The following PDE4D variants were observed in gnomAD, a reference collection of about 807,000 sequenced individuals.
PDE4D encodes the protein phosphodiesterase 4D, also known as 3',5'-cyclic-AMP phosphodiesterase 4D.
PDE4D carries 24 observed loss-of-function variants against 87.4 expected under a neutral mutation model. That is an observed-to-expected ratio of 0.27 (90% CI 0.20 to 0.39). The LOEUF (loss-of-function observed/expected upper bound fraction) is 0.39. Among genes scored for constraint, PDE4D ranks in the 10% least tolerant of loss-of-function variants. The pLI is 1.00. For missense variants in PDE4D, 714 were observed against 1,041.0 expected, an observed-to-expected ratio of 0.69 and a Z score of 4.32; for synonymous variants, 384 against 383.2, an observed-to-expected ratio of 1.00 and a Z score of -0.02.
intron 3 of PDE4D, chr5:59,987,426 G>C (rs1762555332): frequency 6.6e-6 from 1 of 151,922 alleles, no homozygotes; most frequent in South Asian, 2.1e-4. Context: ...TATTTATCTA[G>C]TAGTATTTTC....
At chr5:60,094,942 CA>C (rs1418349036) in intron 2 of PDE4D, among the ~76,000 whole-genome samples, 1 of 152,144 alleles carries the variant, frequency 6.6e-6, no homozygotes, top group East Asian at 1.9e-4. Flanking sequence ...CTCATGAAAG[CA>C]AAATGTACAA....
At chr5:59,527,052 T>C (rs1214321065) in intron 1 of PDE4D, among the ~76,000 whole-genome samples, 1 of 152,168 alleles carries the variant, frequency 6.6e-6, no homozygotes. Flanking sequence ...TTTCTTCTCA[T>C]GCCAAAATAA....
chr5:60,332,415 CACTAATAAGTGA>C (rs1757385358), intron 1 of PDE4D, among the ~76,000 whole-genome samples: 1 of 152,072 alleles, frequency 6.6e-6, no homozygotes, highest in Non-Finnish European at 1.5e-5. Context: ...AAGCAGCTAC[CACTAATAAGTGA>C]AAAGATGGGA....
At chr5:59,624,190 G>A (rs1368033783) in intron 1 of PDE4D, among the ~76,000 whole-genome samples, 5 of 152,016 alleles carry the variant, frequency 3.3e-5, no homozygotes, top group African/African-American at 4.8e-5. Context: ...ATCCATGCAC[G>A]CTCTTAATTC....
chr5:60,165,702 T>G (rs1257975495), intron 2 of PDE4D, among the ~76,000 whole-genome samples: 4 of 149,426 alleles, frequency 2.7e-5, no homozygotes, highest in African/African-American at 9.7e-5. Context: ...TTATTATATA[T>G]AAATATGTTT....
intron 1 of PDE4D, among the ~76,000 whole-genome samples, chr5:60,452,989 T>C (rs1400275129): frequency 5.9e-5 from 9 of 152,084 alleles, no homozygotes; most frequent in Admixed American, 5.9e-4. Context: ...CTTACATCAT[T>C]GTACATGTGC....
At chr5:59,636,215 C>T (rs1280646984) in intron 1 of PDE4D, among the ~76,000 whole-genome samples, 1 of 152,056 alleles carries the variant, frequency 6.6e-6, no homozygotes, top group African/African-American at 2.4e-5. Context: ...CAAACCACTG[C>T]CCAAGGAAAT....
At chr5:59,490,814 C>T (rs1217137416) in intron 1 of PDE4D, among the ~76,000 whole-genome samples, 1 of 152,156 alleles carries the variant, frequency 6.6e-6, no homozygotes, top group Non-Finnish European at 1.5e-5. Flanking sequence ...TGACGTGGTA[C>T]CACGAAAGTA....
intron 3 of PDE4D, among the ~76,000 whole-genome samples, chr5:59,975,029 T>C (rs1761160833): frequency 1.3e-5 from 2 of 152,172 alleles, no homozygotes. Flanking sequence ...GGTCCCAAGA[T>C]GAAATGGGTG....
intron 1 of PDE4D, among the ~76,000 whole-genome samples, chr5:60,314,359 G>A (rs1347399413): frequency 6.6e-6 from 1 of 151,884 alleles, no homozygotes; most frequent in Non-Finnish European, 1.5e-5. Context: ...TAGAGACGGG[G>A]TTTCACCATG....
rs117110520 is a variant in PDE4D, at chr5:59,135,594, T to C, written c.808+45001A>G. On this transcript the variant is annotated intron_variant, in intron 5 of 14. Coordinates refer to ENST00000340635, the MANE Select transcript of PDE4D (RefSeq NM_001104631.2). Reference sequence around the variant, plus strand: ...AACCCAGCACTTCCAGAAATGCCCATCATTAGCTCAGGAGGATGAACTCCA... The same window carrying C: ...AACCCAGCACTTCCAGAAATGCCCACCATTAGCTCAGGAGGATGAACTCCA... 7.2e-5 allele frequency among the ~76,000 whole-genome samples: 11 copies of C among 152,322 alleles called. No homozygotes were observed. The East Asian group carries it at 2.1e-3, about 29-fold the overall frequency.
Position 60,505,633 on chromosome 5 carries a change from G to A in PDE4D, n.70+16418C>T, listed in dbSNP as rs570839232. On this transcript the variant is annotated intron_variant and non_coding_transcript_variant, in intron 1 of 2. Coordinates refer to the PDE4D transcript ENST00000506510. ...TCAGTGCTGACGGATATACCCTGAG[G>A]CCACTTCGAAGCCAGACCTTAGGTT... 1.7e-3 allele frequency among the ~76,000 whole-genome samples: 258 copies of A among 152,288 alleles called. 1 individual carries two copies. Among genetic ancestry groups the A allele is most frequent in the Middle Eastern group, 3.4e-3 (1 of 294 alleles).
At chr5:59,118,280 C>T (rs1382860266) in intron 5 of PDE4D, among the ~76,000 whole-genome samples, 1 of 152,202 alleles carries the variant, frequency 6.6e-6, no homozygotes, top group African/African-American at 2.4e-5. Flanking sequence ...CTGAATCCCT[C>T]CTGCCACTGA....
intron 2 of PDE4D, among the ~76,000 whole-genome samples, chr5:60,116,897 G>C (rs1025585909): frequency 1.3e-5 from 2 of 151,900 alleles, no homozygotes; most frequent in African/African-American, 2.4e-5. Context: ...TAATCCCTTT[G>C]CAACAACCCA....
chr5:59,323,357 T>C (rs1189631908), intron 1 of PDE4D, among the ~76,000 whole-genome samples: 2 of 152,134 alleles, frequency 1.3e-5, no homozygotes, highest in Non-Finnish European at 2.9e-5. Context: ...AGTATTGTTC[T>C]ATACCACTTA....
intron 1 of PDE4D, among the ~76,000 whole-genome samples, chr5:60,478,975 C>T (rs1159670531): frequency 6.6e-6 from 1 of 152,076 alleles, no homozygotes. Context: ...TCATTTGGTC[C>T]TCCTTTTGTG....
intron 2 of PDE4D, among the ~76,000 whole-genome samples, chr5:60,004,323 C>T (rs1271016088): frequency 6.6e-6 from 1 of 152,026 alleles, no homozygotes; most frequent in East Asian, 1.9e-4. Flanking sequence ...TCTGCAGAAA[C>T]CAAAATCTTC....
chr5:59,928,467 A>G (rs1240968922), intron 3 of PDE4D, among the ~76,000 whole-genome samples: 1 of 152,076 alleles, frequency 6.6e-6, no homozygotes, highest in East Asian at 1.9e-4. Flanking sequence ...AATCCCAGCT[A>G]GTCGGGGGGC....
chr5:59,988,825 C>T (rs1169763039), intron 2 of PDE4D: 34 of 568,530 alleles, frequency 6.0e-5, no homozygotes, highest in East Asian at 5.8e-4. Context: ...AAAATGTATA[C>T]ATGAAAAATG....
Sources: allele counts gnomAD v4.1 joint callset (sites outside exome capture counted in the v4.1 genomes callset), GRCh38; gene constraint gnomAD v4.1.1; transcripts MANE v1.5; gene names NCBI Gene and HGNC (gene_info 2026-07-23, HGNC 2026-07-21).